Variants in SCN1A observed in about 807,000 individuals in gnomAD.
SCN1A encodes the protein sodium channel protein type 1 subunit alpha.
In SCN1A, 13 loss-of-function variants were observed where a neutral mutation model predicts 193.7. That is an observed-to-expected ratio of 0.07 (90% CI 0.04 to 0.11). SCN1A has a LOEUF of 0.11. SCN1A is among the 10% of genes least tolerant of loss of function. The pLI, the probability that SCN1A is intolerant of heterozygous loss-of-function variation, is 1.00. For synonymous variants in SCN1A, 781 were observed against 843.6 expected (o/e 0.93, Z 1.29); for missense variants, 1,432 against 2,451.1 (o/e 0.58, Z 8.78).
At chr2:166,044,629 G>A (rs1697572326) in intron 13 of SCN1A, among the ~76,000 whole-genome samples, 1 of 152,088 alleles carries the variant, frequency 6.6e-6, no homozygotes, top group Non-Finnish European at 1.5e-5. Context: ...TCAGAAGCAT[G>A]CATGGTGACT....
chr2:166,053,322 A>G (rs2859817), intron 7 of SCN1A, among the ~76,000 whole-genome samples: 101,096 of 151,746 alleles, frequency 0.67, 34,113 homozygotes, highest in East Asian at 0.89. Flanking sequence ...CATAAAGTAG[A>G]CACCCTTGTT....
At chr2:166,020,103 G>A (rs1693832412) in intron 19 of SCN1A, among the ~76,000 whole-genome samples, 1 of 151,814 alleles carries the variant, frequency 6.6e-6, no homozygotes, top group Admixed American at 6.6e-5. Context: ...GTAGAGACAG[G>A]GTTTCACCAT....
chr2:165,993,840 A>G (rs1436931551), intron 28 of SCN1A: 2 of 444,924 alleles, frequency 4.5e-6, no homozygotes, highest in Non-Finnish European at 8.0e-6. Flanking sequence ...TCTAGATACT[A>G]TATTGGTTCT....
At chr2:166,016,001 T>G (rs1693249161) in intron 19 of SCN1A, 1 of 388,812 alleles carries the variant, frequency 2.6e-6, no homozygotes, top group South Asian at 2.6e-5. Context: ...AAACACTGCC[T>G]TGTGGATTAG....
chr2:166,071,386 T>C (rs2169312), intron 4 of SCN1A, among the ~76,000 whole-genome samples: 28,399 of 151,978 alleles, frequency 0.19, 2,797 homozygotes, highest in South Asian at 0.27. Context: ...AATATGGTGT[T>C]CAAAAGCAAA....
At chr2:166,143,033 T>C (rs959233106) in intron 1 of SCN1A, among the ~76,000 whole-genome samples, 1 of 151,784 alleles carries the variant, frequency 6.6e-6, no homozygotes, top group Non-Finnish European at 1.5e-5. Flanking sequence ...ATCTTGGGTA[T>C]GTCTTTATTA....
chr2:166,062,537 C>T (rs1367712742), intron 4 of SCN1A, among the ~76,000 whole-genome samples: 1 of 152,042 alleles, frequency 6.6e-6, no homozygotes, highest in African/African-American at 2.4e-5. Context: ...CCAAAAGTGG[C>T]ATTGATGATA....
chr2:166,093,071 A>T (rs1686987663), intron 2 of SCN1A, among the ~76,000 whole-genome samples: 1 of 151,896 alleles, frequency 6.6e-6, no homozygotes, highest in South Asian at 2.1e-4. Context: ...TTTCTGGGTG[A>T]TGTTTAAATG....
Position 165,994,379 on chromosome 2 carries a change from C to T in SCN1A, c.4619G>A (p.Arg1540Lys), listed in dbSNP as rs758789381. 3 of 1,612,768 alleles carry T rather than the reference C, an allele frequency of 1.9e-6. No individual in the cohort carries two copies. The highest frequency in any genetic ancestry group is 4.5e-5 in the East Asian group (2 of 44,796). Reference sequence around the variant, plus strand: ...CATGATGCTTATGTCAAAAACTTGTCTGGTTACGAAGTCAAAGACCATTCC... The same window carrying T: ...CATGATGCTTATGTCAAAAACTTGTTTGGTTACGAAGTCAAAGACCATTCC... Reference protein sequence around the residue: ...FQGMVFDFVTRQVFDISIMIL... With the variant: ...FQGMVFDFVTKQVFDISIMIL... The change falls in exon 28 of 29, where the codon AGA (arginine) becomes AAA (lysine). Residue 1540 changes from arginine (R) to lysine (K), a missense_variant. Physicochemically the swap from Arg to Lys is conservative, Grantham distance 26. Coordinates refer to ENST00000674923, the MANE Select transcript of SCN1A (RefSeq NM_001165963.4).
At chr2:166,131,833 G>A (rs1691672561), upstream of SCN1A, among the ~76,000 whole-genome samples, 1 of 152,146 alleles carries the variant, frequency 6.6e-6, no homozygotes, top group African/African-American at 2.4e-5. Context: ...TTAACTTTAT[G>A]CCTGCCAAGG....
chr2:166,108,977 C>G (rs1001660501), intron 2 of SCN1A, among the ~76,000 whole-genome samples: 1 of 152,100 alleles, frequency 6.6e-6, no homozygotes, highest in Non-Finnish European at 1.5e-5. Context: ...TTATTTGATT[C>G]CCTTCTTTTT....
At chr2:166,098,516 A>G (rs954985473) in intron 2 of SCN1A, among the ~76,000 whole-genome samples, 1 of 152,170 alleles carries the variant, frequency 6.6e-6, no homozygotes, top group African/African-American at 2.4e-5. Flanking sequence ...GCAACCAGGC[A>G]GGAGAAAGAA....
At chr2:166,010,247 TA>T (rs1026755490) in intron 22 of SCN1A, among the ~76,000 whole-genome samples, 2 of 151,108 alleles carry the variant, frequency 1.3e-5, no homozygotes, top group Non-Finnish European at 3.0e-5. Context: ...GCTGTTGTAC[TA>T]AAAAAAGCAG....
chr2:166,110,056 G>A (rs971441994), intron 2 of SCN1A, among the ~76,000 whole-genome samples: 1 of 152,080 alleles, frequency 6.6e-6, no homozygotes, highest in Non-Finnish European at 1.5e-5. Flanking sequence ...AATGATAAAT[G>A]CTTGAGGGGA....
chr2:166,023,781 G>T (rs1217293693), intron 19 of SCN1A, among the ~76,000 whole-genome samples: 3 of 145,942 alleles, frequency 2.1e-5, no homozygotes, highest in African/African-American at 7.5e-5. Flanking sequence ...AAAAAATGAT[G>T]TTTTTTTTTT....
At chr2:166,147,024 C>T (rs1692350894) in intron 1 of SCN1A, among the ~76,000 whole-genome samples, 1 of 152,174 alleles carries the variant, frequency 6.6e-6, no homozygotes, top group Non-Finnish European at 1.5e-5. Context: ...TCTCAGACTT[C>T]AGCATGCCTC....
chr2:166,012,002 T>A lies in SCN1A; in HGVS notation c.3879+107A>T, dbSNP rs1692526374. 4 of 980,060 alleles carry A rather than the reference T, an allele frequency of 4.1e-6. No homozygotes were observed. In the East Asian group the frequency reaches 1.0e-4, roughly 24 times the overall value. The allele number at this position is 980,060 out of a possible 1,614,324, so 60.7% of individuals were successfully genotyped here. On this transcript the variant is annotated intron_variant, in intron 22 of 28. Transcript: ENST00000674923. Reference sequence around the variant, plus strand: ...TTGCATATATGCGTTTAGTGGTTATTATAGTCTGTCAACATAACATAGTGG... The same window carrying A: ...TTGCATATATGCGTTTAGTGGTTATAATAGTCTGTCAACATAACATAGTGG...
chr2:166,051,463 A>T (rs1163453808), intron 9 of SCN1A, among the ~76,000 whole-genome samples: 4 of 152,042 alleles, frequency 2.6e-5, no homozygotes, highest in African/African-American at 9.7e-5. Flanking sequence ...GAAAAGACCA[A>T]ATATACATGA....
At chr2:166,008,798 G>A (rs901209324) in intron 23 of SCN1A, among the ~76,000 whole-genome samples, 5 of 150,406 alleles carry the variant, frequency 3.3e-5, no homozygotes, top group Non-Finnish European at 6.0e-5. Flanking sequence ...AAAGAGCAGT[G>A]TTTTTCTATT....
Sources: gnomAD v4.1 joint callset for allele counts (sites outside exome capture counted in the v4.1 genomes callset) on GRCh38, gnomAD v4.1.1 for gene constraint, MANE v1.5 for transcripts, NCBI Gene and HGNC (gene_info 2026-07-23, HGNC 2026-07-21) for gene names.